MGAT4C: variants seen among roughly 807,000 people sequenced by gnomAD.
The protein encoded by MGAT4C is alpha-1,3-mannosyl-glycoprotein 4-beta-N-acetylglucosaminyltransferase C.
A neutral mutation model predicts 40.1 loss-of-function variants in MGAT4C; 19 were observed. The observed-to-expected ratio is 0.47, with a 90% confidence interval of 0.33 to 0.70. MGAT4C has a LOEUF of 0.70. Among genes scored for constraint, MGAT4C ranks in the 30% least tolerant of loss-of-function variants. MGAT4C has a pLI of 0.02. For missense variants in MGAT4C, 491 were observed against 563.2 expected (o/e 0.87, Z 1.30); for synonymous variants, 181 against 187.1 (o/e 0.97, Z 0.27).
chr12:86,589,519 T>C (rs1185236670), intron 2 of MGAT4C, among the ~76,000 whole-genome samples: 4 of 151,522 alleles, frequency 2.6e-5, no homozygotes, highest in African/African-American at 7.3e-5. Flanking sequence ...TTCCAATCAA[T>C]AGAAAAAGAG....
chr12:86,280,934 G>T (rs1430539082), intron 4 of MGAT4C, among the ~76,000 whole-genome samples: 1 of 151,874 alleles, frequency 6.6e-6, no homozygotes, highest in Non-Finnish European at 1.5e-5. Context: ...TTTGTTTAAT[G>T]ATTATGGCAA....
intron 2 of MGAT4C, among the ~76,000 whole-genome samples, chr12:86,603,528 T>TATA (rs367870887): frequency 9.1e-5 from 2 of 21,924 alleles, no homozygotes; most frequent in Admixed American, 9.5e-4. Context: ...CTATAGACTA[T>TATA]ATATAGTCTA....
intron 2 of MGAT4C, among the ~76,000 whole-genome samples, chr12:85,998,029 A>C (rs1410673356): frequency 6.6e-6 from 1 of 152,224 alleles, no homozygotes; most frequent in East Asian, 1.9e-4. Flanking sequence ...CTGGATATCC[A>C]GGTGTTTCCA....
intron 1 of MGAT4C, among the ~76,000 whole-genome samples, chr12:86,759,346 C>G (rs116305245): frequency 0.011 from 1,665 of 152,142 alleles, 28 homozygotes; most frequent in African/African-American, 0.038. Context: ...GCAACAAAGA[C>G]AGGAGTGCAG....
intron 2 of MGAT4C, among the ~76,000 whole-genome samples, chr12:85,998,814 C>T (rs1015313294): frequency 3.3e-5 from 5 of 152,140 alleles, no homozygotes; most frequent in Non-Finnish European, 7.4e-5. Context: ...GTTTTTCTAT[C>T]TTCTTCTGAG....
At chr12:86,024,319 CA>C (rs772861899) in intron 2 of MGAT4C, among the ~76,000 whole-genome samples, 1 of 151,368 alleles carries the variant, frequency 6.6e-6, no homozygotes, top group Non-Finnish European at 1.5e-5. Flanking sequence ...CAAAAATATG[CA>C]TATAGCTTAT....
intron 1 of MGAT4C, among the ~76,000 whole-genome samples, chr12:86,783,136 T>C (rs1951872142): frequency 6.6e-6 from 1 of 152,322 alleles, no homozygotes; most frequent in Admixed American, 6.5e-5. Flanking sequence ...TGTGATTCCA[T>C]CATCATTTTC....
At chr12:86,454,605 AAG>A (rs1957481613) in intron 2 of MGAT4C, among the ~76,000 whole-genome samples, 2 of 152,162 alleles carry the variant, frequency 1.3e-5, no homozygotes, top group Non-Finnish European at 1.5e-5. Flanking sequence ...AAAAGCCAGA[AAG>A]ATTGTATTTG....
intron 1 of MGAT4C, among the ~76,000 whole-genome samples, chr12:86,836,838 A>G (rs1306919524): frequency 6.6e-6 from 1 of 152,064 alleles, no homozygotes; most frequent in Non-Finnish European, 1.5e-5. Context: ...TGGTATCATC[A>G]TTGGTATGAT....
intron 1 of MGAT4C, among the ~76,000 whole-genome samples, chr12:86,813,933 C>G (rs111479809): frequency 6.6e-6 from 1 of 151,536 alleles, no homozygotes; most frequent in African/African-American, 2.4e-5. Flanking sequence ...GGATGGGGAA[C>G]AGAGTCTCGC....
intron 2 of MGAT4C, among the ~76,000 whole-genome samples, chr12:86,536,023 A>G (rs1959062047): frequency 6.6e-6 from 1 of 152,136 alleles, no homozygotes. Flanking sequence ...CTATAATGAA[A>G]CATTAGAAAT....
At position 85,957,657 on chromosome 12, in the gene MGAT4C, C is replaced by CAAAAAAAAAAAGAAAG. The variant is rs1882870320; in HGVS notation, c.*21631_*21632insCTTTCTTTTTTTTTTT. On this transcript the variant is annotated 3_prime_UTR_variant, in exon 5 of 5. Transcript: ENST00000611864. ...TTTACTGTAGAGTTGAATAAGAAAG[C>CAAAAAAAAAAAGAAAG]AAAAAAAAAAAAAAAAGAAAAAAGA... is the stretch of plus-strand genomic sequence containing the variant. 9.9e-6 allele frequency: 1 copy of CAAAAAAAAAAAGAAAG among 101,306 alleles called. No individual in the cohort carries two copies. Among genetic ancestry groups the CAAAAAAAAAAAGAAAG allele is most frequent in the Non-Finnish European group, 1.9e-5 (1 of 52,742 alleles). 6.3% of individuals were successfully genotyped at this position (101,306 alleles called of 1,614,324 possible).
intron 2 of MGAT4C, among the ~76,000 whole-genome samples, chr12:86,573,071 A>G (rs1432205539): frequency 1.3e-5 from 2 of 151,930 alleles, no homozygotes; most frequent in Non-Finnish European, 2.9e-5. Flanking sequence ...TTCAAACCCT[A>G]TTAAAGCAAA....
At chr12:86,451,307 C>A (rs577164632) in intron 2 of MGAT4C, among the ~76,000 whole-genome samples, 2 of 152,230 alleles carry the variant, frequency 1.3e-5, no homozygotes, top group East Asian at 3.9e-4. Context: ...ATGATTGAAA[C>A]CTGGCAGAGG....
rs150545721 is a variant in MGAT4C, at chr12:85,980,166, C to T, written c.560G>A (p.Arg187Lys). 96 of 1,613,800 alleles carry T rather than the reference C, an allele frequency of 5.9e-5. No individual in the cohort carries two copies. The highest frequency in any genetic ancestry group is 7.7e-5 in the Non-Finnish European group (91 of 1,179,888). Residue 187 changes from arginine to lysine, a missense_variant, in exon 5 of 5, where the codon AGA becomes AAA. Transcript: ENST00000611864. ...TCTATCTTCTGGATCATTGTAATTT[C>T]TTTTAAGGCCATCTAGGATTGGGTA... Reference protein sequence around the residue: ...EYYPILDGLKRNYNDPEDRVK... With the variant: ...EYYPILDGLKKNYNDPEDRVK...
At chr12:86,836,377 C>T (rs2136241333) in intron 1 of MGAT4C, among the ~76,000 whole-genome samples, 1 of 152,046 alleles carries the variant, frequency 6.6e-6, no homozygotes, top group East Asian at 1.9e-4. Context: ...TATTAATAAA[C>T]TGGCTGATTT....
upstream of MGAT4C, among the ~76,000 whole-genome samples, chr12:86,256,587 G>T (rs1493415): frequency 0.65 from 98,529 of 152,002 alleles, 32,735 homozygotes; most frequent in South Asian, 0.77. Context: ...AGCTCCTGGG[G>T]GATCACAAAC....
At chr12:86,662,716 G>A (rs891297835) in intron 2 of MGAT4C, among the ~76,000 whole-genome samples, 1 of 152,076 alleles carries the variant, frequency 6.6e-6, no homozygotes, top group Non-Finnish European at 1.5e-5. Context: ...GTGGATGGTA[G>A]CTCTCATTTG....
intron 1 of MGAT4C, among the ~76,000 whole-genome samples, chr12:86,223,850 A>G (rs1011620562): frequency 6.6e-6 from 1 of 152,152 alleles, no homozygotes; most frequent in African/African-American, 2.4e-5. Flanking sequence ...AACACCAGTG[A>G]AATGGGGCCT....
Sources: gnomAD v4.1 joint callset for allele counts (sites outside exome capture counted in the v4.1 genomes callset) on GRCh38, gnomAD v4.1.1 for gene constraint, MANE v1.5 for transcripts, NCBI Gene and HGNC (gene_info 2026-07-23, HGNC 2026-07-21) for gene names.